Variants in DMD observed in about 807,000 individuals in gnomAD.
DMD encodes the protein dystrophin.
A neutral mutation model predicts 330.1 loss-of-function variants in DMD; 63 were observed. That is an observed-to-expected ratio of 0.19 (90% CI 0.16 to 0.24). DMD has a LOEUF of 0.24. DMD is among the 10% of genes least tolerant of loss of function. The pLI, the probability that DMD is intolerant of heterozygous loss-of-function variation, is 1.00. For missense variants in DMD, 3,344 were observed against 2,684.1 expected (o/e 1.25, Z -5.43); for synonymous variants, 1,223 against 959.8 (o/e 1.27, Z -5.07).
chrX:32,335,776 ATATATG>A (rs1440100662), intron 41 of DMD, among the ~76,000 whole-genome samples: 1 of 96,937 alleles, frequency 1.0e-5, no homozygotes, highest in East Asian at 3.3e-4. Context: ...ATAAAACGTT[ATATATG>A]TATAACATGT....
intron 49 of DMD, among the ~76,000 whole-genome samples, chrX:31,822,653 G>GTGTGTGTGTGTGTGTGTGTGTGT (rs1556919106): frequency 1.5e-5 from 1 of 65,809 alleles, no homozygotes; most frequent in African/African-American, 6.4e-5. Context: ...AAGGCAGAGG[G>GTGTGTGTGTGTGTGTGTGTGTGT]GTGTGTGTGT....
At chrX:32,153,809 T>C (rs932264305) in intron 44 of DMD, among the ~76,000 whole-genome samples, 15 of 112,199 alleles carry the variant, frequency 1.3e-4, no homozygotes, top group Non-Finnish European at 2.6e-4. Context: ...GAAGGATTAA[T>C]GAACGTGCGC....
intron 7 of DMD, among the ~76,000 whole-genome samples, chrX:32,705,106 C>G (rs2064496885): frequency 8.9e-6 from 1 of 112,041 alleles, no homozygotes; most frequent in South Asian, 3.6e-4. Flanking sequence ...CATGTATTCT[C>G]TACTTACAAG....
intron 1 of DMD, among the ~76,000 whole-genome samples, chrX:33,069,394 T>C (rs892299609): frequency 8.9e-6 from 1 of 111,858 alleles, no homozygotes; most frequent in Non-Finnish European, 1.9e-5. Context: ...AAAATACTAG[T>C]TGCACAATGA....
Position 31,807,947 on chromosome X carries a change from C to T in DMD, c.7309+12028G>A, listed in dbSNP as rs140574053. Among the ~76,000 whole-genome samples the T allele has an allele frequency of 3.0e-3, 338 of 111,604 alleles. 3 individuals are homozygous for T. The highest frequency in any genetic ancestry group is 9.7e-3 in the African/African-American group (298 of 30,799). On this transcript the variant is annotated intron_variant, in intron 50 of 78. Transcript: ENST00000357033. ...CTGGGTGTTTTTGGATAACCATTCT[C>T]TCTAGGCTTTCATTTCCTCTCATGG...
At chrX:31,812,023 T>C (rs1406741244) in intron 50 of DMD, among the ~76,000 whole-genome samples, 1 of 108,758 alleles carries the variant, frequency 9.2e-6, no homozygotes, top group Non-Finnish European at 1.9e-5. Context: ...ATGTAGGGTA[T>C]TGTCACAATA....
intron 67 of DMD, among the ~76,000 whole-genome samples, chrX:31,196,171 T>C (rs1040661365): frequency 8.9e-5 from 10 of 111,808 alleles, no homozygotes; most frequent in African/African-American, 3.2e-4. Flanking sequence ...GATAATACTC[T>C]GATAAGGGTC....
intron 30 of DMD, among the ~76,000 whole-genome samples, chrX:32,403,307 T>C (rs16998292): frequency 0.035 from 3,947 of 111,455 alleles, 155 homozygotes; most frequent in African/African-American, 0.12. Context: ...ATTCAGAGTG[T>C]TGCAATAGTG....
chrX:32,948,545 T>C (rs983460218), intron 2 of DMD, among the ~76,000 whole-genome samples: 3 of 112,155 alleles, frequency 2.7e-5, no homozygotes, highest in African/African-American at 9.7e-5. Flanking sequence ...GTGTTTTACA[T>C]GCTCATTCTT....
At chrX:31,907,982 C>T (rs1403412334) in intron 47 of DMD, among the ~76,000 whole-genome samples, 1 of 112,406 alleles carries the variant, frequency 8.9e-6, no homozygotes, top group African/African-American at 3.2e-5. Flanking sequence ...CATCACTGGT[C>T]ATCAGAGAAA....
At chrX:32,696,825 G>T (rs1335572537) in intron 9 of DMD, among the ~76,000 whole-genome samples, 1 of 111,209 alleles carries the variant, frequency 9.0e-6, no homozygotes, top group East Asian at 2.8e-4. Flanking sequence ...AGAGTCAAGA[G>T]GTCCAGAATG....
chrX:31,242,279 A>AG (rs1569496874), intron 63 of DMD, among the ~76,000 whole-genome samples: 1 of 104,834 alleles, frequency 9.5e-6, no homozygotes, highest in East Asian at 2.9e-4. Flanking sequence ...AAAAAAAAAA[A>AG]AAAAAAAAAA....
At chrX:31,334,018 C>T (rs752829000) in intron 61 of DMD, among the ~76,000 whole-genome samples, 7 of 111,278 alleles carry the variant, frequency 6.3e-5, no homozygotes, top group South Asian at 3.9e-4. Context: ...CTGCAACCTC[C>T]GCCTCCTGGG....
chrX:31,298,414 C>CAT (rs1201604516), intron 62 of DMD, among the ~76,000 whole-genome samples: 131 of 108,919 alleles, frequency 1.2e-3, no homozygotes, highest in African/African-American at 4.1e-3. Flanking sequence ...CACACATACA[C>CAT]ACACACACAC....
At chrX:31,352,056 T>G (rs935304141) in intron 60 of DMD, among the ~76,000 whole-genome samples, 1 of 111,403 alleles carries the variant, frequency 9.0e-6, no homozygotes, top group Non-Finnish European at 1.9e-5. Context: ...AAAAAAAGTA[T>G]TTTATAAATA....
chrX:31,876,186 A>C (rs182840682), intron 47 of DMD, among the ~76,000 whole-genome samples: 1 of 112,778 alleles, frequency 8.9e-6, no homozygotes, highest in Admixed American at 9.4e-5. Flanking sequence ...TAATCCATCC[A>C]ACAATGCTAC....
intron 60 of DMD, among the ~76,000 whole-genome samples, chrX:31,356,229 T>C (rs919683798): frequency 8.9e-6 from 1 of 111,907 alleles, no homozygotes; most frequent in African/African-American, 3.2e-5. Context: ...ATGGCATTGA[T>C]ACTAATGCCG....
chrX:32,970,149 T>A (rs2092329659), intron 2 of DMD, among the ~76,000 whole-genome samples: 1 of 94,366 alleles, frequency 1.1e-5, no homozygotes, highest in African/African-American at 4.8e-5. Context: ...CCTACTACTC[T>A]TTGGATAACC....
chrX:32,978,237 G>A (rs188016064), intron 2 of DMD, among the ~76,000 whole-genome samples: 29 of 112,028 alleles, frequency 2.6e-4, no homozygotes, highest in Admixed American at 2.0e-3. Context: ...TGTAGGCCCC[G>A]TGGTGCCAGT....
Sources: gnomAD v4.1 joint callset for allele counts (sites outside exome capture counted in the v4.1 genomes callset) on GRCh38, gnomAD v4.1.1 for gene constraint, MANE v1.5 for transcripts, NCBI Gene and HGNC (gene_info 2026-07-23, HGNC 2026-07-21) for gene names.